TTC13: variants seen among roughly 807,000 people sequenced by gnomAD.
The protein encoded by TTC13 is tetratricopeptide repeat protein 13.
TTC13 carries 62 observed loss-of-function variants against 120.0 expected under a neutral mutation model. The observed-to-expected ratio is 0.52, with a 90% CI of 0.42 to 0.64. The LOEUF (loss-of-function observed/expected upper bound fraction) is 0.64, where lower values mean the gene tolerates loss of function less well. Ranked by LOEUF, TTC13 falls within the 30% of genes least tolerant of loss-of-function variation. The pLI is 0.00. For synonymous variants in TTC13, 384 were observed against 393.5 expected (o/e 0.98, Z 0.28); for missense variants, 824 against 1,050.2 (o/e 0.78, Z 2.98).
chr1:230,949,961 T>C (rs1263737119), intron 4 of TTC13, among the ~76,000 whole-genome samples: 1 of 152,242 alleles, frequency 6.6e-6, no homozygotes, highest in Admixed American at 6.5e-5. Context: ...ATTTATTCTT[T>C]CTTTTTAGAA....
intron 4 of TTC13, 32 bp downstream of exon 4, chr1:230,954,301 C>A: frequency 6.5e-7 from 1 of 1,549,102 alleles, no homozygotes; most frequent in South Asian, 1.1e-5. Flanking sequence ...TGACCATAAA[C>A]TCAAAATTAC....
At chr1:230,931,663 T>C in intron 10 of TTC13, 73 bp downstream of exon 10, 2 of 1,564,300 alleles carry the variant, frequency 1.3e-6, no homozygotes, top group East Asian at 2.2e-5. Context: ...CCCTTCTCTA[T>C]TCATTTCACT....
rs1424006363 is a variant in TTC13 at position 230,944,749 on chromosome 1, T to C, written c.579+640A>G. On this transcript the variant is annotated intron_variant, in intron 5 of 22. Transcript: ENST00000366661. This position sits in a 1 kb window ranked among gnomAD's most constrained non-coding sequence, Gnocchi z 4.0. Reference sequence around the variant, plus strand: ...CTCTCAAAGCACAATTTCACACAAATATTTTTAGTATACAATAAGACAATA... The same window carrying C: ...CTCTCAAAGCACAATTTCACACAAACATTTTTAGTATACAATAAGACAATA... Among the ~76,000 whole-genome samples the C allele has an allele frequency of 6.6e-6, 1 of 152,186 alleles. No homozygotes were observed. Among genetic ancestry groups the C allele is most frequent in the African/African-American group, 2.4e-5 (1 of 41,464 alleles).
At chr1:230,960,679 A>T (rs1230272595) in intron 2 of TTC13, among the ~76,000 whole-genome samples, 2 of 152,210 alleles carry the variant, frequency 1.3e-5, no homozygotes, top group African/African-American at 4.8e-5. Context: ...AATACATTAA[A>T]CTTGGACACG....
chr1:230,969,121 G>T (rs1220761005), intron 1 of TTC13, among the ~76,000 whole-genome samples: 1 of 149,582 alleles, frequency 6.7e-6, no homozygotes, highest in Non-Finnish European at 1.5e-5. Flanking sequence ...ACCTAGCCGG[G>T]TGCAGTGGCA....
intron 4 of TTC13, among the ~76,000 whole-genome samples, chr1:230,946,304 T>C (rs1394645275): frequency 2.6e-5 from 4 of 152,324 alleles, no homozygotes; most frequent in East Asian, 3.9e-4. Flanking sequence ...CACTGGATTC[T>C]CCAGAAAGAA....
chr1:230,975,790 C>G (rs1678243605), intron 1 of TTC13, among the ~76,000 whole-genome samples: 1 of 152,142 alleles, frequency 6.6e-6, no homozygotes, highest in Non-Finnish European at 1.5e-5. Flanking sequence ...GACATCCATG[C>G]CTGTCACTTC....
intron 1 of TTC13, among the ~76,000 whole-genome samples, chr1:230,976,125 G>A (rs552623033): frequency 2.0e-5 from 3 of 152,302 alleles, no homozygotes; most frequent in South Asian, 2.1e-4. Flanking sequence ...TATATGTGCT[G>A]GATTGATATG....
At chr1:230,928,597 G>A (rs1558182484) in intron 12 of TTC13, among the ~76,000 whole-genome samples, 1 of 152,090 alleles carries the variant, frequency 6.6e-6, no homozygotes, top group African/African-American at 2.4e-5. Context: ...GCACTGTCTA[G>A]GACTTGTAGT....
chr1:230,967,967 A>C (rs982545030), intron 1 of TTC13, among the ~76,000 whole-genome samples: 6 of 152,160 alleles, frequency 3.9e-5, no homozygotes, highest in African/African-American at 1.2e-4. Flanking sequence ...CTTCTACATC[A>C]TCTCTGGACA....
At chr1:230,957,958 GA>G (rs1676256397) in intron 3 of TTC13, among the ~76,000 whole-genome samples, 1 of 152,042 alleles carries the variant, frequency 6.6e-6, no homozygotes, top group African/African-American at 2.4e-5. Context: ...TTACTGAATC[GA>G]AACAGCTCAT....
At chr1:230,977,347 G>A (rs1432538407) in intron 1 of TTC13, among the ~76,000 whole-genome samples, 1 of 152,162 alleles carries the variant, frequency 6.6e-6, no homozygotes, top group Non-Finnish European at 1.5e-5. Flanking sequence ...ACTTACAGAG[G>A]AGGCATTTTA....
At chr1:230,925,063 T>G in intron 13 of TTC13, 90 bp from the exon 14 acceptor site, 2 of 1,512,954 alleles carry the variant, frequency 1.3e-6, no homozygotes, top group Non-Finnish European at 1.8e-6. Context: ...AACTCAAGAG[T>G]TAACACATAA....
At chr1:230,912,955 G>A (rs1483864695) in intron 18 of TTC13, among the ~76,000 whole-genome samples, 197 bp from the exon 19 acceptor site, 1 of 152,192 alleles carries the variant, frequency 6.6e-6, no homozygotes, top group Non-Finnish European at 1.5e-5. Flanking sequence ...TGTGATAGTT[G>A]CCTCACCTTT....
At chr1:230,970,312 T>C (rs1406067055) in intron 1 of TTC13, among the ~76,000 whole-genome samples, 1 of 152,210 alleles carries the variant, frequency 6.6e-6, no homozygotes, top group East Asian at 1.9e-4. Context: ...AGTGGAGTGG[T>C]GGAGGCAGTC....
rs1375653883 is a variant in TTC13 at position 230,906,888 on chromosome 1, T to C, written c.*17A>G. 7 of 1,336,226 alleles carry C rather than the reference T, an allele frequency of 5.2e-6. No homozygotes were observed. The highest frequency in any genetic ancestry group is 4.8e-5 in the South Asian group (3 of 63,130). 82.8% of individuals were successfully genotyped at this position (1,336,226 alleles called of 1,614,324 possible). ...CAAGAGGTCCGGCCCTTTACTTGTA[T>C]AAATACAGCAGCAGAACTAGAGTTT... is the stretch of plus-strand genomic sequence containing the variant. On this transcript the variant is annotated 3_prime_UTR_variant, in exon 23 of 23. Transcript: ENST00000366661.
At chr1:230,920,217 C>A (rs1572190800) in intron 17 of TTC13, 1 of 227,538 alleles carries the variant, frequency 4.4e-6, no homozygotes, top group South Asian at 6.3e-5. Flanking sequence ...AGTTTTATAA[C>A]TGCAATCATG....
chr1:230,933,867 A>C lies in TTC13; in HGVS notation c.901-6T>G, dbSNP rs1194780242. 6.4e-7 allele frequency: 1 copy of C among 1,563,178 alleles called. No homozygotes were observed. Among genetic ancestry groups the C allele is most frequent in the Non-Finnish European group, 8.7e-7 (1 of 1,149,118 alleles). The stretch of plus-strand genomic sequence containing the variant: ...TTGAAGGATTCAATAGCTTCCTATA[A>C]AAAGTGTAGAGAAAATTATTTCATT... On this transcript the variant is annotated splice_polypyrimidine_tract_variant and splice_region_variant and intron_variant, in intron 8 of 22. Coordinates refer to ENST00000366661, the MANE Select transcript of TTC13 (RefSeq NM_024525.5).
Position 230,923,822 on chromosome 1 carries a change from A to G in TTC13, c.1814+19T>C. 6.3e-7 allele frequency: 1 copy of G among 1,596,328 alleles called. No homozygotes were observed. The highest frequency in any genetic ancestry group is 8.6e-7 in the Non-Finnish European group (1 of 1,165,350). On this transcript the variant is annotated intron_variant, in intron 15 of 22. Transcript: ENST00000366661. ...ATAAACTCCTAGGAAAAGAAGAAAG[A>G]TGCACAAAAGGTTCGTACCTGATTA...
Sources: gnomAD v4.1 joint callset for allele counts (sites outside exome capture counted in the v4.1 genomes callset) on GRCh38, gnomAD v4.1.1 for gene constraint, Gnocchi (gnomAD v3.1) non-coding constraint, MANE v1.5 for transcripts, NCBI Gene and HGNC (gene_info 2026-07-23, HGNC 2026-07-21) for gene names.